LRRC7: variants seen among roughly 807,000 people sequenced by gnomAD.
The protein encoded by LRRC7 is leucine-rich repeat-containing protein 7.
A neutral mutation model predicts 175.7 loss-of-function variants in LRRC7; 23 were observed. The ratio of observed to expected loss-of-function variants is 0.13; its 90% CI spans 0.09 to 0.19. The LOEUF is 0.19. Among genes scored for constraint, LRRC7 ranks in the 10% least tolerant of loss-of-function variants. LRRC7 has a pLI of 1.00. For synonymous variants in LRRC7, 685 were observed against 680.9 expected, an observed-to-expected ratio of 1.01 and a Z score of -0.09; for missense variants, 1,354 against 1,904.7, an observed-to-expected ratio of 0.71 and a Z score of 5.38.
At chr1:69,592,410 A>AT (rs573997093) in intron 1 of LRRC7, among the ~76,000 whole-genome samples, 6 of 151,968 alleles carry the variant, frequency 3.9e-5, no homozygotes, top group East Asian at 1.9e-4. Context: ...GAGTGCATAT[A>AT]TTTTTTTTAC....
chr1:70,086,064 C>T lies in LRRC7; in HGVS notation c.4453-3663C>T, dbSNP rs977140242. 5.3e-5 allele frequency among the ~76,000 whole-genome samples: 8 copies of T among 151,972 alleles called. No homozygotes were observed. In the East Asian group the frequency reaches 9.6e-4, roughly 18 times the overall value. ...ATCATGTATTTTAACAAGGAGTCAT[C>T]GTATACTTTTTATTAAGGAAGGCAG... On this transcript the variant is annotated intron_variant, in intron 24 of 26. Transcript: ENST00000651989.
intron 7 of LRRC7, among the ~76,000 whole-genome samples, chr1:69,846,857 T>A (rs1348718557): frequency 6.6e-6 from 1 of 152,106 alleles, no homozygotes; most frequent in African/African-American, 2.4e-5. Context: ...ATATTTTTCA[T>A]TTTATCTCAT....
chr1:70,134,627 A>G lies in LRRC7; in HGVS notation c.*12740A>G, dbSNP rs909600171. ...TTATATCCTCTGGTGTTTTCCTCCA[A>G]AAAAAACAATTTCCTTCTAGCCACA... is the stretch of plus-strand genomic sequence containing the variant. On this transcript the variant is annotated 3_prime_UTR_variant, in exon 27 of 27. Transcript: ENST00000651989. Among the ~76,000 whole-genome samples the G allele has an allele frequency of 6.6e-6, 1 of 152,154 alleles. No individual in the cohort carries two copies. Among genetic ancestry groups the G allele is most frequent in the African/African-American group, 2.4e-5 (1 of 41,436 alleles).
chr1:69,936,742 C>G (rs1648076789), intron 8 of LRRC7, among the ~76,000 whole-genome samples: 1 of 151,976 alleles, frequency 6.6e-6, no homozygotes, highest in African/African-American at 2.4e-5. Context: ...CAGGTAGGAC[C>G]CCAGTATCTA....
At chr1:69,674,830 T>C (rs1659560726) in intron 1 of LRRC7, among the ~76,000 whole-genome samples, 1 of 152,200 alleles carries the variant, frequency 6.6e-6, no homozygotes, top group Non-Finnish European at 1.5e-5. Flanking sequence ...ATTTTCTTTA[T>C]TAAAGACCAA....
chr1:69,693,452 A>G (rs7521228), intron 2 of LRRC7, among the ~76,000 whole-genome samples: 2,836 of 152,300 alleles, frequency 0.019, 91 homozygotes, highest in African/African-American at 0.063. Context: ...TCTGCAGGAT[A>G]GGCCGATAGG....
intron 7 of LRRC7, among the ~76,000 whole-genome samples, chr1:69,857,727 C>G (rs553439200): frequency 3.3e-5 from 5 of 152,234 alleles, no homozygotes; most frequent in Non-Finnish European, 1.5e-5. Flanking sequence ...ATCAAGCTAC[C>G]AATGACTTTG....
chr1:69,905,404 C>T (rs1181345273), intron 7 of LRRC7, among the ~76,000 whole-genome samples: 1 of 152,038 alleles, frequency 6.6e-6, no homozygotes, highest in Middle Eastern at 3.2e-3. Flanking sequence ...CTATCCCTCC[C>T]CGCTCCCACC....
At chr1:69,833,010 C>CA (rs1557786478) in intron 5 of LRRC7, among the ~76,000 whole-genome samples, 4 of 151,690 alleles carry the variant, frequency 2.6e-5, no homozygotes, top group African/African-American at 9.7e-5. Flanking sequence ...GAGGCTGGAG[C>CA]AGGAGAATCA....
intron 3 of LRRC7, among the ~76,000 whole-genome samples, chr1:69,789,004 A>G (rs1674811284): frequency 6.6e-6 from 1 of 152,170 alleles, no homozygotes; most frequent in South Asian, 2.1e-4. Context: ...TTTTTCATGA[A>G]CAAATGAATG....
In LRRC7 at chr1:69,919,876, C is replaced by T. The variant is rs3820316; in HGVS notation, c.648-11631C>T. The T allele has an allele frequency of 1.4e-4, 95 of 658,584 alleles. 2 individuals carry two copies. The East Asian group carries it at 2.2e-3, about 15-fold the overall frequency. 40.8% of individuals were successfully genotyped at this position (658,584 alleles called of 1,614,324 possible). A position where few individuals can be genotyped will look rare whatever the true frequency, so the allele number is the denominator to read the frequency against. ...CCCAGGCCTGGCCTCGGGGTTCCCC[C>T]GCTGCCTGCTGGCCAGTGGCCGAAC... On this transcript the variant is annotated intron_variant, in intron 7 of 26. Coordinates refer to ENST00000651989, the MANE Select transcript of LRRC7 (RefSeq NM_001370785.2).
intron 1 of LRRC7, among the ~76,000 whole-genome samples, chr1:69,584,594 T>G (rs1646332392): frequency 1.3e-5 from 2 of 152,130 alleles, no homozygotes; most frequent in Non-Finnish European, 2.9e-5. Context: ...TAATTTTAAT[T>G]AGGAAAAGCA....
chr1:70,098,962 C>T (rs959167565), intron 25 of LRRC7, among the ~76,000 whole-genome samples: 1 of 152,166 alleles, frequency 6.6e-6, no homozygotes, highest in African/African-American at 2.4e-5. Context: ...TCCTCCCTAA[C>T]TCATTTTATG....
chr1:69,834,010 A>C (rs1445007512), intron 5 of LRRC7, among the ~76,000 whole-genome samples: 1 of 152,148 alleles, frequency 6.6e-6, no homozygotes, highest in Non-Finnish European at 1.5e-5. Context: ...TTAAATAGAA[A>C]TTTACTAATA....
intron 23 of LRRC7, among the ~76,000 whole-genome samples, chr1:70,075,342 G>T (rs930563070): frequency 5.3e-5 from 8 of 152,086 alleles, no homozygotes; most frequent in Non-Finnish European, 8.8e-5. Context: ...AAAGAAGTAC[G>T]GGTATGATCG....
intron 3 of LRRC7, among the ~76,000 whole-genome samples, chr1:69,778,110 C>T (rs1401066822): frequency 5.3e-5 from 8 of 152,134 alleles, no homozygotes; most frequent in Admixed American, 4.6e-4. Flanking sequence ...GTTTCCTCTG[C>T]CTGGCATGCT....
rs535524898 is a variant in LRRC7, at chr1:69,661,298, A to C, written c.3-17083A>C. On this transcript the variant is annotated intron_variant, in intron 1 of 26. Coordinates refer to ENST00000651989, the MANE Select transcript of LRRC7 (RefSeq NM_001370785.2). ...TTTTCCCAAGAACCTATCTTCCTAA[A>C]TAAATGAGTCATCTTGATTCTTCTT... Among the ~76,000 whole-genome samples, 4 of 152,294 alleles carry C rather than the reference A, an allele frequency of 2.6e-5. 1 individual carries two copies. The South Asian group carries it at 8.3e-4, about 32-fold the overall frequency.
chr1:69,637,234 A>C (rs995041233), intron 1 of LRRC7, among the ~76,000 whole-genome samples: 7 of 151,898 alleles, frequency 4.6e-5, no homozygotes, highest in African/African-American at 1.4e-4. Context: ...AAATGTCTTT[A>C]ATAGCTCTAA....
chr1:70,078,648 T>G (rs780337064), intron 24 of LRRC7, among the ~76,000 whole-genome samples: 2 of 152,174 alleles, frequency 1.3e-5, no homozygotes, highest in African/African-American at 2.4e-5. Flanking sequence ...AGTTTCATGT[T>G]TATGTTTATT....
Sources: gnomAD v4.1 joint callset for allele counts (sites outside exome capture counted in the v4.1 genomes callset) on GRCh38, gnomAD v4.1.1 for gene constraint, MANE v1.5 for transcripts, NCBI Gene and HGNC (gene_info 2026-07-23, HGNC 2026-07-21) for gene names.